KIAA1210: variants seen among roughly 807,000 people sequenced by gnomAD.
KIAA1210 encodes KIAA1210.
Under a neutral mutation model 78.9 loss-of-function variants are expected in KIAA1210, and 48 were observed. The ratio of observed to expected loss-of-function variants is 0.61; its 90% CI spans 0.48 to 0.77. The LOEUF (loss-of-function observed/expected upper bound fraction) is 0.77. Ranked by LOEUF, KIAA1210 falls within the 30% of genes least tolerant of loss-of-function variation. The pLI, the probability that KIAA1210 is intolerant of heterozygous loss-of-function variation, is 0.00. For synonymous variants in KIAA1210, 406 were observed against 404.5 expected (o/e 1.00, Z -0.04); for missense variants, 1,108 against 1,100.0 (o/e 1.01, Z -0.10).
At chrX:119,136,002 G>A (rs1358841742) in intron 2 of KIAA1210, among the ~76,000 whole-genome samples, 5 of 110,728 alleles carry the variant, frequency 4.5e-5, no homozygotes, top group African/African-American at 1.3e-4. Context: ...GCAATGAGCC[G>A]AGATTGCGCC....
At chrX:119,083,925 G>A (rs1373374024) in intron 10 of KIAA1210, among the ~76,000 whole-genome samples, 2 of 101,870 alleles carry the variant, frequency 2.0e-5, no homozygotes, top group African/African-American at 3.7e-5. Context: ...TTTGAGCCTG[G>A]GAGGTTGACA....
chrX:119,089,673 A>C lies in KIAA1210; in HGVS notation c.1029T>G (p.Thr343=), dbSNP rs1369521060. 6 of 1,209,258 alleles carry C rather than the reference A, an allele frequency of 5.0e-6. No individual in the cohort carries two copies. The Middle Eastern group carries it at 9.1e-4, about 184-fold the overall frequency. Residue 343 remains threonine, a synonymous_variant, in exon 9 of 12, where the codon ACT becomes ACG. Coordinates refer to ENST00000691062, the MANE Select transcript of KIAA1210 (RefSeq NM_001394962.1). ...DKKTTDQAPN[T]DASRSQGYPM... ...GATAGCCCTGACTCCGAGAAGCATC[A>C]GTGTTTGGAGCCTGGTCTGTTGTCT...
At chrX:119,150,678 C>G (rs1352997784), upstream of KIAA1210, 1 of 885,520 alleles carries the variant, frequency 1.1e-6, no homozygotes, top group South Asian at 2.4e-5. Flanking sequence ...CCCACTCACA[C>G]GCACACGCAC....
chrX:119,139,738 A>G (rs1174892006), intron 2 of KIAA1210, among the ~76,000 whole-genome samples: 1 of 111,837 alleles, frequency 8.9e-6, no homozygotes, highest in African/African-American at 3.3e-5. Context: ...ATAAAAAGAA[A>G]TGGATGGTAG....
At chrX:119,120,067 G>A (rs1055856564) in intron 2 of KIAA1210, among the ~76,000 whole-genome samples, 1 of 111,039 alleles carries the variant, frequency 9.0e-6, no homozygotes, top group Non-Finnish European at 1.9e-5. Context: ...TACTCAGGAG[G>A]CTGAAACAGG....
At chrX:119,116,008 T>C (rs1394401721) in intron 3 of KIAA1210, among the ~76,000 whole-genome samples, 1 of 111,768 alleles carries the variant, frequency 8.9e-6, no homozygotes, top group Admixed American at 9.5e-5. Flanking sequence ...CACTCCCAGC[T>C]AGATAGCTTT....
rs374878355 is a variant in KIAA1210, at chrX:119,085,436, T to C, written c.4267A>G (p.Lys1423Glu). ...TCGGCTCCAGCATTGCTCTTAGTTT[T>C]CAGCTCTTTCACAGAAATGTGGGCC... The part of the protein sequence containing the change: ...FKAHISVKEL[K>E]TKSNAGADAE... The change falls in exon 10 of 12, where the codon AAA (lysine) becomes GAA (glutamate). Residue 1423 changes from lysine to glutamate, a missense_variant. This residue lies in a region of KIAA1210 where 245 missense variants were observed against 278.8 expected (regional missense o/e 0.88). Coordinates refer to ENST00000691062, the MANE Select transcript of KIAA1210 (RefSeq NM_001394962.1). 1 of 1,211,825 alleles carries C rather than the reference T, an allele frequency of 8.3e-7. No homozygotes were observed.
intron 1 of KIAA1210, among the ~76,000 whole-genome samples, chrX:119,126,834 G>A (rs1177276634): frequency 1.8e-5 from 2 of 112,391 alleles, no homozygotes; most frequent in Non-Finnish European, 3.8e-5. Context: ...AATTTGGAAG[G>A]CCAAGGTGGG....
chrX:119,128,267 T>G (rs1329276554), upstream of KIAA1210, among the ~76,000 whole-genome samples: 1 of 111,695 alleles, frequency 9.0e-6, no homozygotes, highest in Non-Finnish European at 1.9e-5. Context: ...TATTTTACAT[T>G]ATTTTTGTTC....
intron 2 of KIAA1210, among the ~76,000 whole-genome samples, chrX:119,144,221 T>G (rs1249899012): frequency 8.9e-6 from 1 of 112,557 alleles, no homozygotes; most frequent in Non-Finnish European, 1.9e-5. Flanking sequence ...TGGGCTGTCC[T>G]GCCATACACT....
chrX:119,128,909 A>T (rs1447473045), upstream of KIAA1210, among the ~76,000 whole-genome samples: 1 of 112,030 alleles, frequency 8.9e-6, no homozygotes, highest in Admixed American at 9.5e-5. Context: ...TCCCGACCTC[A>T]GGTGATCTGC....
intron 6 of KIAA1210, among the ~76,000 whole-genome samples, chrX:119,099,134 T>C (rs1369693761): frequency 8.8e-6 from 1 of 113,012 alleles, no homozygotes; most frequent in Non-Finnish European, 1.9e-5. Flanking sequence ...AGCCAACTTA[T>C]GATGCCCACA....
intron 2 of KIAA1210, among the ~76,000 whole-genome samples, chrX:119,119,005 C>G (rs752535399): frequency 1.8e-5 from 2 of 112,115 alleles, no homozygotes; most frequent in East Asian, 5.6e-4. Flanking sequence ...CGCAGAATAC[C>G]AACACAGCTT....
rs780646797 is a variant in KIAA1210 at position 119,089,548 on chromosome X, C to A, written c.1154G>T (p.Ser385Ile). Reference sequence around the variant, plus strand: ...TCTATCGCCCAGGCCATACCCTTCACTGGATTGTTTAAGGCTTCTTCCTTT... The same window carrying A: ...TCTATCGCCCAGGCCATACCCTTCAATGGATTGTTTAAGGCTTCTTCCTTT... ...EFKGRSLKQS[S>I]EGYGLGDRAG... Residue 385 changes from serine to isoleucine, a missense_variant, in exon 9 of 12, where the codon AGT (serine) becomes ATT (isoleucine). Transcript: ENST00000691062. 3.3e-5 allele frequency: 40 copies of A among 1,209,750 alleles called. No individual in the cohort carries two copies. The highest frequency in any genetic ancestry group is 4.4e-5 in the Non-Finnish European group (39 of 895,059).
intron 2 of KIAA1210, among the ~76,000 whole-genome samples, chrX:119,145,587 G>A (rs1929148353): frequency 9.0e-6 from 1 of 111,189 alleles, no homozygotes; most frequent in African/African-American, 3.3e-5. Context: ...CACACAGCAG[G>A]AGGTGAGTGG....
At chrX:119,145,075 A>T (rs1458421428) in intron 2 of KIAA1210, among the ~76,000 whole-genome samples, 5 of 112,048 alleles carry the variant, frequency 4.5e-5, no homozygotes, top group Non-Finnish European at 9.4e-5. Flanking sequence ...AGGGCTCAGT[A>T]GCCACACGTG....
Position 119,079,825 on chromosome X carries a change from A to AG in KIAA1210, c.*1503dup, listed in dbSNP as rs1926887187. ...TGAGGTGTGTGCCTCTAGGAATGAGAGGGGAAAAGCTGATTTACTCACTTA... is the reference window on the plus strand; with the variant it reads ...TGAGGTGTGTGCCTCTAGGAATGAGAGGGGGAAAAGCTGATTTACTCACTTA... On this transcript the variant is annotated 3_prime_UTR_variant, in exon 12 of 12. Transcript: ENST00000691062. The AG allele has an allele frequency of 9.0e-6, 1 of 111,383 alleles. No homozygotes were observed. Among genetic ancestry groups the AG allele is most frequent in the South Asian group, 3.8e-4 (1 of 2,609 alleles). The allele number at this position is 111,383 out of a possible 1,213,427, so 9.2% of individuals were successfully genotyped here. A position where few individuals can be genotyped will look rare whatever the true frequency, so the allele number is the denominator to read the frequency against.
At chrX:119,138,656 G>A (rs918076920) in intron 2 of KIAA1210, among the ~76,000 whole-genome samples, 8 of 111,708 alleles carry the variant, frequency 7.2e-5, no homozygotes, top group Admixed American at 5.7e-4. Context: ...AAACCCTAGT[G>A]AGCAGGAAGG....
At chrX:119,109,402 T>C (rs1199937097) in intron 3 of KIAA1210, among the ~76,000 whole-genome samples, 200 bp from the exon 4 acceptor site, 3 of 112,118 alleles carry the variant, frequency 2.7e-5, no homozygotes, top group African/African-American at 9.7e-5. Flanking sequence ...CACACATATA[T>C]AGTTCATATT....
Sources: gnomAD v4.1 joint callset for allele counts (sites outside exome capture counted in the v4.1 genomes callset) on GRCh38, gnomAD v4.1.1 for gene constraint, gnomAD v4.1.1 regional missense constraint, MANE v1.5 for transcripts, NCBI Gene and HGNC (gene_info 2026-07-23, HGNC 2026-07-21) for gene names.